Variants in PTPRG observed in about 807,000 individuals in gnomAD.
PTPRG encodes the protein protein tyrosine phosphatase receptor type G.
Under a neutral mutation model 165.3 loss-of-function variants are expected in PTPRG, and 102 were observed. That is an observed-to-expected ratio of 0.62 (90% CI 0.53 to 0.73). PTPRG has a LOEUF of 0.73. Among genes scored for constraint, PTPRG ranks in the 30% least tolerant of loss-of-function variants. PTPRG has a pLI of 0.00. For synonymous variants in PTPRG, 675 were observed against 669.5 expected (o/e 1.01, Z -0.13); for missense variants, 1,866 against 1,861.4 (o/e 1.00, Z -0.05).
chr3:61,837,636 T>C (rs1458889633), intron 2 of PTPRG, among the ~76,000 whole-genome samples: 2 of 152,128 alleles, frequency 1.3e-5, no homozygotes, highest in African/African-American at 4.8e-5. Flanking sequence ...AGGAAGGGGA[T>C]GAGGAATGTC....
At chr3:61,727,671 T>C (rs924035882) in intron 1 of PTPRG, among the ~76,000 whole-genome samples, 4 of 152,208 alleles carry the variant, frequency 2.6e-5, no homozygotes, top group Admixed American at 2.6e-4. Flanking sequence ...CTGCCTGTTT[T>C]TCTTTCTTTA....
At chr3:61,868,664 GAAAA>G (rs2037477225) in intron 2 of PTPRG, among the ~76,000 whole-genome samples, 1 of 152,300 alleles carries the variant, frequency 6.6e-6, no homozygotes, top group Admixed American at 6.5e-5. Flanking sequence ...ATTTGTTACA[GAAAA>G]TTCTGTGTAA....
intron 1 of PTPRG, among the ~76,000 whole-genome samples, chr3:61,624,639 A>G (rs895480359): frequency 6.6e-6 from 1 of 152,166 alleles, no homozygotes; most frequent in Admixed American, 6.5e-5. Flanking sequence ...TAAGCCTCTG[A>G]TAGCAGCAGC....
At chr3:62,006,840 A>G (rs1458070266) in intron 4 of PTPRG, among the ~76,000 whole-genome samples, 1 of 152,230 alleles carries the variant, frequency 6.6e-6, no homozygotes, top group African/African-American at 2.4e-5. Flanking sequence ...AAAAGGAATC[A>G]TCCAGCCCCA....
chr3:61,740,038 G>A (rs182724247), intron 1 of PTPRG, among the ~76,000 whole-genome samples: 1 of 152,334 alleles, frequency 6.6e-6, no homozygotes, highest in Non-Finnish European at 1.5e-5. Context: ...CAAAAGTTCA[G>A]ATGGGTGGCC....
intron 8 of PTPRG, among the ~76,000 whole-genome samples, chr3:62,185,915 A>G (rs1379680327): frequency 6.6e-6 from 1 of 152,130 alleles, no homozygotes; most frequent in Admixed American, 6.5e-5. Context: ...CAAAGCCCAC[A>G]CTTTCTGTTA....
At chr3:61,966,972 A>C (rs1355017820) in intron 2 of PTPRG, among the ~76,000 whole-genome samples, 7 of 152,224 alleles carry the variant, frequency 4.6e-5, no homozygotes, top group Non-Finnish European at 1.0e-4. Flanking sequence ...GAGAAGCAGG[A>C]CTTGTCACAA....
intron 1 of PTPRG, among the ~76,000 whole-genome samples, chr3:61,701,734 T>C (rs1431569415): frequency 6.6e-6 from 1 of 151,882 alleles, no homozygotes; most frequent in Non-Finnish European, 1.5e-5. Flanking sequence ...TCACCTCTAC[T>C]AAAAATAAAA....
intron 1 of PTPRG, among the ~76,000 whole-genome samples, chr3:61,568,907 C>CG (rs1553636589): frequency 3.1e-5 from 4 of 131,022 alleles, no homozygotes; most frequent in African/African-American, 8.5e-5. Context: ...GACTCCGTCT[C>CG]AAAAAAAAAA....
chr3:62,201,540 G>A lies in PTPRG; in HGVS notation c.1363G>A (p.Val455Met). 6.2e-7 allele frequency: 1 copy of A among 1,611,312 alleles called. No homozygotes were observed. ...TTRIFQGTRI[V>M]KTGVPTASPA... is the part of the protein sequence containing the mutation. ...TCGAATATTCCAAGGGACCAGAATA[G>A]TGAAAACAGGAGTGGTAAGTAGAGA... Residue 455 changes from valine to methionine, a missense_variant, in exon 11 of 30, where the codon GTG (valine) becomes ATG (methionine). Physicochemically the swap from Val to Met is conservative, Grantham distance 21. Around this residue, in one of 3 missense-constraint regions of PTPRG, gnomAD observed 1,452 missense variants for 1,463.0 expected, o/e 0.99. Coordinates refer to ENST00000474889, the MANE Select transcript of PTPRG (RefSeq NM_002841.4).
chr3:61,989,959 A>G (rs2040846099), intron 3 of PTPRG, among the ~76,000 whole-genome samples, 155 bp downstream of exon 3: 1 of 152,216 alleles, frequency 6.6e-6, no homozygotes, highest in African/African-American at 2.4e-5. Context: ...TATGTAACTC[A>G]GTAAATCACT....
intron 4 of PTPRG, among the ~76,000 whole-genome samples, chr3:62,008,619 C>G (rs1467851426): frequency 6.6e-6 from 1 of 152,118 alleles, no homozygotes; most frequent in East Asian, 1.9e-4. Flanking sequence ...TTATTATAGC[C>G]CAGCGGTCCC....
chr3:61,838,734 G>A lies in PTPRG; in HGVS notation c.190+89752G>A, dbSNP rs2036538974. Among the ~76,000 whole-genome samples, 3 of 152,102 alleles carry A rather than the reference G, an allele frequency of 2.0e-5. No individual in the cohort carries two copies. In the South Asian group the frequency reaches 6.2e-4, roughly 32 times the overall value. On this transcript the variant is annotated intron_variant, in intron 2 of 29. Transcript: ENST00000474889. ...ATGACTGGTCAAAAAGTGACATATTGGGTATTCTTACCACTCTCCCTGAGC... is the reference window on the plus strand; with the variant it reads ...ATGACTGGTCAAAAAGTGACATATTAGGTATTCTTACCACTCTCCCTGAGC...
intron 2 of PTPRG, among the ~76,000 whole-genome samples, chr3:61,964,783 T>C (rs2040230656): frequency 6.6e-6 from 1 of 152,112 alleles, no homozygotes; most frequent in Non-Finnish European, 1.5e-5. Flanking sequence ...TTTTATGGCC[T>C]TTTTGATGAG....
intron 2 of PTPRG, among the ~76,000 whole-genome samples, chr3:61,886,625 A>G (rs976058899): frequency 7.2e-5 from 11 of 152,168 alleles, no homozygotes; most frequent in East Asian, 3.9e-4. Context: ...GAAAGCTTCA[A>G]TCAGGAAGAT....
intron 2 of PTPRG, among the ~76,000 whole-genome samples, chr3:61,972,499 G>T (rs2040406736): frequency 6.6e-6 from 1 of 151,636 alleles, no homozygotes; most frequent in Non-Finnish European, 1.5e-5. Flanking sequence ...GGGGAGGGTG[G>T]GTCAGAGAGT....
At chr3:61,944,319 G>T (rs2039703092) in intron 2 of PTPRG, among the ~76,000 whole-genome samples, 1 of 152,192 alleles carries the variant, frequency 6.6e-6, no homozygotes, top group Non-Finnish European at 1.5e-5. Context: ...ATGTCCCTGT[G>T]ATCGGAGCGC....
intron 1 of PTPRG, among the ~76,000 whole-genome samples, chr3:61,686,819 C>A (rs1378939120): frequency 1.3e-5 from 2 of 152,058 alleles, no homozygotes; most frequent in African/African-American, 4.8e-5. Context: ...AAAAGCAGGG[C>A]GTACAACGGT....
intron 1 of PTPRG, among the ~76,000 whole-genome samples, chr3:61,746,908 T>A (rs1370235346): frequency 6.6e-6 from 1 of 152,126 alleles, no homozygotes; most frequent in Non-Finnish European, 1.5e-5. Flanking sequence ...ATCCCAACAC[T>A]TTGGGAGGAC....
Sources: gnomAD v4.1 joint callset for allele counts (sites outside exome capture counted in the v4.1 genomes callset) on GRCh38, gnomAD v4.1.1 for gene constraint, gnomAD v4.1.1 regional missense constraint, MANE v1.5 for transcripts, NCBI Gene and HGNC (gene_info 2026-07-23, HGNC 2026-07-21) for gene names.